Variants in TMTC4 observed in about 807,000 individuals in gnomAD.
TMTC4 encodes protein O-mannosyl-transferase TMTC4.
Under a neutral mutation model 86.0 loss-of-function variants are expected in TMTC4, and 65 were observed. The ratio of observed to expected loss-of-function variants is 0.76; its 90% confidence interval spans 0.62 to 0.93. The LOEUF (loss-of-function observed/expected upper bound fraction) is 0.93, where lower values mean the gene tolerates loss of function less well. Among genes scored for constraint, TMTC4 ranks in the 40% least tolerant of loss-of-function variants. TMTC4 has a pLI of 0.00. For missense variants in TMTC4, 866 were observed against 948.1 expected, an observed-to-expected ratio of 0.91 and a Z score of 1.14; for synonymous variants, 379 against 382.5, an observed-to-expected ratio of 0.99 and a Z score of 0.11.
At chr13:100,617,074 A>G (rs867403371) in intron 15 of TMTC4, among the ~76,000 whole-genome samples, 1 of 151,242 alleles carries the variant, frequency 6.6e-6, no homozygotes, top group South Asian at 2.1e-4. Flanking sequence ...TTCATCATCA[A>G]TTCTTTCCCA....
chr13:100,651,911 AGTTAGTTTTTATT>A (rs1273878614), intron 6 of TMTC4, among the ~76,000 whole-genome samples: 44 of 152,326 alleles, frequency 2.9e-4, no homozygotes, highest in African/African-American at 1.0e-3. Flanking sequence ...ACCACCGAAG[AGTTAGTTTTTATT>A]CTCTGCTGAA....
chr13:100,639,284 C>T (rs1402471808), intron 7 of TMTC4, among the ~76,000 whole-genome samples: 2 of 152,214 alleles, frequency 1.3e-5, no homozygotes, highest in Non-Finnish European at 2.9e-5. Context: ...TTATCTAATA[C>T]ATGGGCCAGT....
intron 6 of TMTC4, among the ~76,000 whole-genome samples, chr13:100,645,711 G>C (rs1021848364): frequency 5.3e-5 from 8 of 152,244 alleles, no homozygotes; most frequent in African/African-American, 1.9e-4. Context: ...GCTCTAAACT[G>C]CCCTGATCAC....
intron 1 of TMTC4, chr13:100,674,489 G>GCC: frequency 7.5e-6 from 7 of 938,634 alleles, no homozygotes; most frequent in Non-Finnish European, 8.8e-6. Flanking sequence ...CCCGAGCGCG[G>GCC]CGGGCGGGGC....
At chr13:100,659,286 G>C (rs1418650488) in intron 5 of TMTC4, among the ~76,000 whole-genome samples, 1 of 152,162 alleles carries the variant, frequency 6.6e-6, no homozygotes, top group African/African-American at 2.4e-5. Flanking sequence ...TTTACTTCTA[G>C]AGACAGGGTC....
chr13:100,614,454 A>G (rs199655095), intron 15 of TMTC4, 24 bp from the exon 16 acceptor site: 2 of 1,548,016 alleles, frequency 1.3e-6, no homozygotes, highest in East Asian at 2.2e-5. Flanking sequence ...ACACCAAAAA[A>G]TCAGTATTCC....
upstream of TMTC4, chr13:100,674,900 GC>G (rs911127877): frequency 7.1e-5 from 70 of 982,966 alleles, no homozygotes; most frequent in East Asian, 2.6e-3. Context: ...GCGCGCGGGC[GC>G]CCCCCAGCAC....
At chr13:100,660,270 G>A (rs1277330188) in intron 5 of TMTC4, among the ~76,000 whole-genome samples, 1 of 151,198 alleles carries the variant, frequency 6.6e-6, no homozygotes, top group Non-Finnish European at 1.5e-5. Context: ...GGTGGGGGTT[G>A]CAGTGAGCCA....
intron 1 of TMTC4, chr13:100,674,499 C>A (rs1887582845): frequency 1.2e-6 from 1 of 843,284 alleles, no homozygotes; most frequent in Non-Finnish European, 1.4e-6. Flanking sequence ...GCGGGCGGGG[C>A]GCGCAGCCTC....
intron 5 of TMTC4, among the ~76,000 whole-genome samples, chr13:100,661,980 T>C (rs1292747000): frequency 6.6e-6 from 1 of 152,014 alleles, no homozygotes; most frequent in Non-Finnish European, 1.5e-5. Flanking sequence ...GCCTTTTGCA[T>C]TTTCAAAGGG....
At chr13:100,675,023 A>AG, upstream of TMTC4, 6 of 985,564 alleles carry the variant, frequency 6.1e-6, no homozygotes, top group Non-Finnish European at 7.2e-6. Flanking sequence ...ACGTCAGGCC[A>AG]GGGGGCGCTA....
intron 15 of TMTC4, chr13:100,625,132 A>C: frequency 4.7e-6 from 1 of 211,404 alleles, no homozygotes; most frequent in Non-Finnish European, 9.7e-6. Context: ...GAAGAAGGAG[A>C]ACAAGGGAGC....
At chr13:100,660,822 T>G (rs978084721) in intron 5 of TMTC4, among the ~76,000 whole-genome samples, 2 of 152,020 alleles carry the variant, frequency 1.3e-5, no homozygotes, top group Admixed American at 6.6e-5. Flanking sequence ...CCCGGCTCAT[T>G]TTTGTATTTT....
chr13:100,641,923 T>C (rs148324420), intron 7 of TMTC4, among the ~76,000 whole-genome samples: 2 of 152,306 alleles, frequency 1.3e-5, no homozygotes, highest in African/African-American at 2.4e-5. Flanking sequence ...TTCTTTTATC[T>C]TTTTCTACAG....
At chr13:100,630,236 C>T (rs887051756) in intron 12 of TMTC4, among the ~76,000 whole-genome samples, 24 of 152,242 alleles carry the variant, frequency 1.6e-4, no homozygotes, top group East Asian at 3.9e-4. Context: ...TACAGCACTT[C>T]GTCAAACATA....
chr13:100,654,158 G>A (rs1351790895), intron 6 of TMTC4, among the ~76,000 whole-genome samples: 16 of 152,182 alleles, frequency 1.1e-4, no homozygotes, highest in Non-Finnish European at 2.4e-4. Flanking sequence ...ACTGCCCCAA[G>A]TAACTTCAAC....
chr13:100,609,872 G>C (rs1877291469), intron 17 of TMTC4, among the ~76,000 whole-genome samples: 1 of 152,074 alleles, frequency 6.6e-6, no homozygotes, highest in Non-Finnish European at 1.5e-5. Context: ...TTTTAAGAAG[G>C]GCTGCTCAGA....
At chr13:100,618,117 C>T (rs1357979793) in intron 15 of TMTC4, among the ~76,000 whole-genome samples, 1 of 152,062 alleles carries the variant, frequency 6.6e-6, no homozygotes, top group Non-Finnish European at 1.5e-5. Flanking sequence ...GGATTGCATT[C>T]TTGGTTTGGC....
chr13:100,662,873 T>A (rs1594369615), intron 5 of TMTC4, 91 bp downstream of exon 5: 1 of 1,410,556 alleles, frequency 7.1e-7, no homozygotes, highest in East Asian at 2.3e-5. Flanking sequence ...GATGGGTACA[T>A]AAAGGGAGCC....
Sources: gnomAD v4.1 joint callset for allele counts (sites outside exome capture counted in the v4.1 genomes callset) on GRCh38, gnomAD v4.1.1 for gene constraint, MANE v1.5 for transcripts, NCBI Gene and HGNC (gene_info 2026-07-23, HGNC 2026-07-21) for gene names.